PNKD: variants seen among roughly 807,000 people sequenced by gnomAD.
PNKD encodes the protein probable thioesterase PNKD.
A neutral mutation model predicts 45.3 loss-of-function variants in PNKD; 36 were observed. The observed-to-expected ratio is 0.80, with a 90% CI of 0.61 to 1.05. PNKD has a LOEUF of 1.05. PNKD is among the 50% of genes least tolerant of loss of function. The pLI, the probability that PNKD is intolerant of heterozygous loss-of-function variation, is 0.00. For synonymous variants in PNKD, 197 were observed against 210.1 expected (o/e 0.94, Z 0.54); for missense variants, 511 against 506.6 (o/e 1.01, Z -0.08).
intron 2 of PNKD, among the ~76,000 whole-genome samples, chr2:218,289,175 A>T (rs1692753370): frequency 6.6e-6 from 1 of 152,246 alleles, no homozygotes; most frequent in South Asian, 2.1e-4. Flanking sequence ...AAAGGAGCTG[A>T]GCAAGCTGTT....
Position 218,270,592 on chromosome 2 carries a change from C to A in PNKD, c.57C>A (p.Arg19=). ...AGGGCCGGGGGGCGAGAAATGCCCG[C>A]GTCCTCCGGGGTAAGGAGAGGGACC... ...ALKGRGARNA[R]VLRGILAGAT... is the part of the protein sequence containing the mutation. Residue 19 remains arginine (R), a synonymous_variant, in exon 1 of 10, where the codon CGC becomes CGA. Coordinates refer to ENST00000273077, the MANE Select transcript of PNKD (RefSeq NM_015488.5). 9.2e-7 allele frequency: 1 copy of A among 1,084,104 alleles called. No homozygotes were observed. The highest frequency in any genetic ancestry group is 1.2e-6 in the Non-Finnish European group (1 of 826,442). 67.2% of individuals were successfully genotyped at this position (1,084,104 alleles called of 1,614,324 possible). A position where few individuals can be genotyped will look rare whatever the true frequency, so the allele number is the denominator to read the frequency against.
chr2:218,340,036 G>T lies in PNKD; in HGVS notation c.360G>T (p.Lys120Asn). ...KTQPRLFNGV[K>N]VLPIPVLSDN... ...GCCCATCTCTGTCCCCAGGAGTGAA[G>T]GTGCTTCCCATCCCTGTCCTCTCGG... Residue 120 changes from lysine (K) to asparagine (N), a missense_variant, in exon 4 of 10, where the codon AAG becomes AAT. Physicochemically the swap from Lys to Asn is moderately conservative, Grantham distance 94. Coordinates refer to ENST00000273077, the MANE Select transcript of PNKD (RefSeq NM_015488.5). This position sits in a 1 kb window ranked among gnomAD's most constrained non-coding sequence, Gnocchi z 4.2. 6.2e-7 allele frequency: 1 copy of T among 1,609,996 alleles called. No individual in the cohort carries two copies. The highest frequency in any genetic ancestry group is 1.1e-5 in the South Asian group (1 of 90,974).
At chr2:218,321,373 C>T (rs1456939496) in intron 2 of PNKD, among the ~76,000 whole-genome samples, 2 of 152,120 alleles carry the variant, frequency 1.3e-5, no homozygotes, top group African/African-American at 4.8e-5. Flanking sequence ...GTCTCCTCTG[C>T]GGTACCAGCC....
intron 2 of PNKD, among the ~76,000 whole-genome samples, chr2:218,317,341 C>G (rs1693843286): frequency 6.6e-6 from 1 of 152,184 alleles, no homozygotes; most frequent in African/African-American, 2.4e-5. Flanking sequence ...CCTAGGCTCC[C>G]TAACACTTGA....
chr2:218,281,412 C>G (rs1008698455), intron 2 of PNKD, among the ~76,000 whole-genome samples: 2 of 152,236 alleles, frequency 1.3e-5, no homozygotes, highest in Non-Finnish European at 2.9e-5. Context: ...GCTGGGATTA[C>G]AGGCGTGAGC....
intron 2 of PNKD, among the ~76,000 whole-genome samples, chr2:218,313,956 T>G (rs1693690289): frequency 6.8e-6 from 1 of 148,002 alleles, no homozygotes; most frequent in African/African-American, 2.5e-5. Context: ...TGCTGGAGTT[T>G]CGCTCTTGAG....
At chr2:218,296,278 A>G (rs1056026479) in intron 2 of PNKD, among the ~76,000 whole-genome samples, 3 of 152,244 alleles carry the variant, frequency 2.0e-5, no homozygotes, top group Non-Finnish European at 4.4e-5. Context: ...TTCCAGCAAC[A>G]CTACCTAGGA....
At chr2:218,279,424 C>T (rs1386419247) in intron 2 of PNKD, 3 of 1,413,796 alleles carry the variant, frequency 2.1e-6, no homozygotes, top group East Asian at 2.4e-5. Context: ...TGCCAGCCCC[C>T]AGTACTTTCC....
intron 2 of PNKD, chr2:218,277,005 T>G: frequency 6.2e-7 from 1 of 1,613,358 alleles, no homozygotes; most frequent in Admixed American, 1.7e-5. Context: ...GACACTCACG[T>G]ATTGGAAGTA....
rs747024176 is a variant in PNKD at position 218,340,835 on chromosome 2, G to T, written c.524+49G>T. On this transcript the variant is annotated intron_variant, in intron 5 of 9. Transcript: ENST00000273077. This position sits in a 1 kb window ranked among gnomAD's most constrained non-coding sequence, Gnocchi z 4.2. ...GCCCACCCTTGTCCCAGCTGGGCTT[G>T]CCAGGACTGGGCCCATTGAGGACGG... 7.9e-6 allele frequency: 12 copies of T among 1,509,444 alleles called. No homozygotes were observed. In the South Asian group the frequency reaches 1.3e-4, roughly 17 times the overall value. The allele number at this position is 1,509,444 out of a possible 1,614,324, so 93.5% of individuals were successfully genotyped here. A position where few individuals can be genotyped will look rare whatever the true frequency, so the allele number is the denominator to read the frequency against.
chr2:218,313,520 T>A (rs1485921723), intron 2 of PNKD, among the ~76,000 whole-genome samples: 2 of 152,204 alleles, frequency 1.3e-5, no homozygotes, highest in Non-Finnish European at 2.9e-5. Flanking sequence ...ACTGCATTGA[T>A]TTCTAATTTA....
At position 218,326,638 on chromosome 2, in the gene PNKD, T is replaced by C. The variant is rs1694161253; in HGVS notation, c.237-13145T>C. Reference sequence around the variant, plus strand: ...AGGAAATGTTAGCAGGTGTTCCTGATGTGGCCTGGAGTTGGGTGGGAGAGT... The same window carrying C: ...AGGAAATGTTAGCAGGTGTTCCTGACGTGGCCTGGAGTTGGGTGGGAGAGT... On this transcript the variant is annotated intron_variant, in intron 2 of 9. Coordinates refer to ENST00000273077, the MANE Select transcript of PNKD (RefSeq NM_015488.5). This position sits in a 1 kb window ranked among gnomAD's most constrained non-coding sequence, Gnocchi z 4.1. Among the ~76,000 whole-genome samples, 1 of 152,124 alleles carries C rather than the reference T, an allele frequency of 6.6e-6. No homozygotes were observed. Among genetic ancestry groups the C allele is most frequent in the Non-Finnish European group, 1.5e-5 (1 of 68,020 alleles).
intron 2 of PNKD, among the ~76,000 whole-genome samples, chr2:218,307,023 A>C (rs977644044): frequency 6.6e-6 from 1 of 152,206 alleles, no homozygotes; most frequent in Non-Finnish European, 1.5e-5. Context: ...TGCACAAAAC[A>C]ATGACATTCG....
chr2:218,277,825 AGGT>A, intron 2 of PNKD: 7 of 1,554,338 alleles, frequency 4.5e-6, no homozygotes, highest in Non-Finnish European at 5.3e-6. Context: ...GGCCCAGATA[AGGT>A]GGAGGAGACA....
intron 6 of PNKD, 175 bp from the exon 7 acceptor site, chr2:218,341,806 C>T (rs1694685346): frequency 1.3e-6 from 1 of 767,666 alleles, no homozygotes; most frequent in East Asian, 2.7e-5. Flanking sequence ...AGCCATAGTC[C>T]CCAAAAGAGG....
intron 2 of PNKD, among the ~76,000 whole-genome samples, chr2:218,317,249 T>C (rs1364668839): frequency 2.6e-5 from 4 of 152,166 alleles, no homozygotes; most frequent in African/African-American, 2.4e-5. Context: ...TGCACACTCT[T>C]GGGCCCCAGC....
At chr2:218,323,198 G>A (rs942539691) in intron 2 of PNKD, 77 of 1,387,172 alleles carry the variant, frequency 5.6e-5, no homozygotes, top group South Asian at 1.2e-4. Context: ...GGTTCCCCGC[G>A]GGGGGCCGGG....
intron 2 of PNKD, chr2:218,277,608 A>C: frequency 6.2e-7 from 1 of 1,614,148 alleles, no homozygotes; most frequent in South Asian, 1.1e-5. Flanking sequence ...ATTTCCCAAG[A>C]GTGGTGCTTT....
chr2:218,282,231 C>T, intron 2 of PNKD: 1 of 1,136,930 alleles, frequency 8.8e-7, no homozygotes, highest in Non-Finnish European at 1.2e-6. Context: ...GCCCAGCTCA[C>T]TCAGCCTCAT....
Sources: allele counts gnomAD v4.1 joint callset (sites outside exome capture counted in the v4.1 genomes callset), GRCh38; gene constraint gnomAD v4.1.1; non-coding constraint Gnocchi (gnomAD v3.1); transcripts MANE v1.5; gene names NCBI Gene and HGNC (gene_info 2026-07-23, HGNC 2026-07-21).